CCAR1: variants seen among roughly 807,000 people sequenced by gnomAD.
The protein encoded by CCAR1 is cell division cycle and apoptosis regulator protein 1.
CCAR1 carries 78 observed loss-of-function variants against 163.8 expected under a neutral mutation model. That is an observed-to-expected ratio of 0.48 (90% confidence interval 0.40 to 0.57). The LOEUF is 0.57. CCAR1 is among the 20% of genes least tolerant of loss of function. The probability of loss-of-function intolerance (pLI) is 0.00; values close to 1 mark genes in which losing one functional copy is unlikely to be tolerated. For synonymous variants in CCAR1, 443 were observed against 460.7 expected, an observed-to-expected ratio of 0.96 and a Z score of 0.49; for missense variants, 1,019 against 1,365.2, an observed-to-expected ratio of 0.75 and a Z score of 4.00.
chr10:68,738,580 T>C (rs971926330), intron 4 of CCAR1, among the ~76,000 whole-genome samples: 6 of 152,178 alleles, frequency 3.9e-5, no homozygotes, highest in Non-Finnish European at 7.3e-5. Flanking sequence ...CTAAACCTTA[T>C]AGGCTTTCAG....
intron 23 of CCAR1, 148 bp downstream of exon 23, chr10:68,788,476 T>A (rs182231466): frequency 4.5e-4 from 203 of 455,970 alleles, no homozygotes; most frequent in East Asian, 2.2e-3. Context: ...AGGAACTTTT[T>A]AAAATTTTTT....
In CCAR1 at chr10:68,756,148, T is replaced by A; in HGVS notation, c.1626-125T>A. 1.5e-6 allele frequency: 1 copy of A among 653,026 alleles called. No homozygotes were observed. The highest frequency in any genetic ancestry group is 2.7e-6 in the Non-Finnish European group (1 of 376,596). The allele number at this position is 653,026 out of a possible 1,614,324, so 40.5% of individuals were successfully genotyped here. A position where few individuals can be genotyped will look rare whatever the true frequency, so the allele number is the denominator to read the frequency against. On this transcript the variant is annotated intron_variant, in intron 13 of 24. Transcript: ENST00000265872. The surrounding 1 kb of genome is among the most constrained non-coding windows in gnomAD (Gnocchi z 5.1). ...AGGAACTATGGCTTCTATAATTTTTTTTTCTTTAGACCAACCTCAAGTTCT... is the reference window on the plus strand; with the variant it reads ...AGGAACTATGGCTTCTATAATTTTTATTTCTTTAGACCAACCTCAAGTTCT...
chr10:68,787,439 A>T (rs1414027041), intron 21 of CCAR1, among the ~76,000 whole-genome samples: 1 of 152,200 alleles, frequency 6.6e-6, no homozygotes, highest in Non-Finnish European at 1.5e-5. Flanking sequence ...GTAATAAATC[A>T]TCCCTGTGCA....
chr10:68,764,364 G>A (rs866327948), intron 16 of CCAR1, among the ~76,000 whole-genome samples: 7 of 149,892 alleles, frequency 4.7e-5, no homozygotes, highest in Non-Finnish European at 1.0e-4. Context: ...AGACAACTTC[G>A]TGAGACCCCA....
intron 8 of CCAR1, among the ~76,000 whole-genome samples, 171 bp from the exon 9 acceptor site, chr10:68,748,965 A>G (rs764892630): frequency 2.0e-5 from 3 of 152,196 alleles, no homozygotes; most frequent in Non-Finnish European, 4.4e-5. Context: ...GGTGTGAGCC[A>G]CCGCAGCCGG....
intron 2 of CCAR1, among the ~76,000 whole-genome samples, chr10:68,731,049 T>C (rs959090870): frequency 1.3e-5 from 2 of 152,156 alleles, no homozygotes; most frequent in African/African-American, 2.4e-5. Context: ...ATTTAGTTAT[T>C]TGTGATATAA....
intron 8 of CCAR1, 73 bp downstream of exon 8, chr10:68,747,639 A>C: frequency 1.5e-6 from 2 of 1,344,520 alleles, no homozygotes; most frequent in South Asian, 2.8e-5. Context: ...TTTTAATTAC[A>C]AAAAAAGGCA....
At chr10:68,767,891 T>A (rs1050829746) in intron 17 of CCAR1, among the ~76,000 whole-genome samples, 1 of 152,216 alleles carries the variant, frequency 6.6e-6, no homozygotes, top group Non-Finnish European at 1.5e-5. Flanking sequence ...TTCAAAACAA[T>A]TGAAAACTTT....
chr10:68,731,595 T>C (rs1280967764), intron 2 of CCAR1, among the ~76,000 whole-genome samples: 2 of 141,198 alleles, frequency 1.4e-5, no homozygotes, highest in African/African-American at 5.3e-5. Context: ...GTTTCTGTTT[T>C]TTTTTTTTTT....
rs541303918 is a variant in CCAR1 at position 68,781,824 on chromosome 10, C to T, written c.2651-4312C>T. 2.2e-5 allele frequency among the ~76,000 whole-genome samples: 3 copies of T among 138,994 alleles called. No homozygotes were observed. In the East Asian group the frequency reaches 6.3e-4, roughly 29 times the overall value. 91.2% of individuals were successfully genotyped at this position (138,994 alleles called of 152,430 possible). The stretch of plus-strand genomic sequence containing the variant: ...CATGATTGTGCCACTGTACTCCAGC[C>T]TGGGCAACAGGGCAACACTCTGTCT... On this transcript the variant is annotated intron_variant, in intron 19 of 24. Transcript: ENST00000265872.
chr10:68,749,417 CAAAT>C (rs1004917327), intron 9 of CCAR1, 103 bp from the exon 10 acceptor site: 2 of 1,254,432 alleles, frequency 1.6e-6, no homozygotes, highest in Non-Finnish European at 2.2e-6. Flanking sequence ...AAAAGTTAAA[CAAAT>C]ATACTGTGGA....
intron 16 of CCAR1, among the ~76,000 whole-genome samples, chr10:68,763,856 A>G (rs186867603): frequency 6.6e-6 from 1 of 152,184 alleles, no homozygotes; most frequent in East Asian, 1.9e-4. Context: ...GGACTTCTTT[A>G]CTTACTAGCA....
At chr10:68,784,108 A>G (rs1053675381) in intron 19 of CCAR1, among the ~76,000 whole-genome samples, 3 of 152,066 alleles carry the variant, frequency 2.0e-5, no homozygotes, top group Admixed American at 6.6e-5. Flanking sequence ...TTGAGATGCA[A>G]TCTGCTTCTG....
intron 19 of CCAR1, among the ~76,000 whole-genome samples, chr10:68,777,949 G>A (rs1269702128): frequency 6.6e-6 from 1 of 151,994 alleles, no homozygotes; most frequent in African/African-American, 2.4e-5. Context: ...GGCCGGGTGC[G>A]GTGGCTCATG....
intron 19 of CCAR1, among the ~76,000 whole-genome samples, chr10:68,775,693 T>C (rs1159328852): frequency 1.7e-5 from 2 of 115,002 alleles, no homozygotes; most frequent in African/African-American, 3.5e-5. Flanking sequence ...TTTTCTTTTT[T>C]TTTTTTTTTT....
At position 68,747,145 on chromosome 10, in the gene CCAR1, CT is replaced by C. The variant is rs71474438; in HGVS notation, c.519-5del. On this transcript the variant is annotated splice_polypyrimidine_tract_variant and intron_variant, in intron 6 of 24. Coordinates refer to ENST00000265872, the MANE Select transcript of CCAR1 (RefSeq NM_018237.4). Reference sequence around the variant, plus strand: ...TGTATTTATATTTAACTTTTTTTTTCTTTTTTTTTTTACAGTGCTGTCAAAG... The same window carrying C: ...TGTATTTATATTTAACTTTTTTTTTCTTTTTTTTTTACAGTGCTGTCAAAG... 53,041 of 975,248 alleles carry C rather than the reference CT, an allele frequency of 0.054. No homozygotes were observed. Among genetic ancestry groups the C allele is most frequent in the South Asian group, 0.072 (3,843 of 53,304 alleles). 60.4% of individuals were successfully genotyped at this position (975,248 alleles called of 1,614,324 possible).
chr10:68,730,751 G>A (rs542494174), intron 2 of CCAR1, among the ~76,000 whole-genome samples: 4 of 152,036 alleles, frequency 2.6e-5, no homozygotes, highest in Non-Finnish European at 4.4e-5. Flanking sequence ...GAGTACAGTG[G>A]TGCAGTCACG....
chr10:68,767,720 T>C (rs1270085490), intron 17 of CCAR1, among the ~76,000 whole-genome samples: 1 of 152,162 alleles, frequency 6.6e-6, no homozygotes, highest in Non-Finnish European at 1.5e-5. Context: ...AATTTTTGCA[T>C]GTTGGCCAGT....
intron 2 of CCAR1, among the ~76,000 whole-genome samples, chr10:68,726,457 A>G (rs1369636380): frequency 6.6e-6 from 1 of 152,064 alleles, no homozygotes; most frequent in East Asian, 1.9e-4. Flanking sequence ...GGCTCTTGAC[A>G]TGCTTAAACC....
Sources: gnomAD v4.1 joint callset for allele counts (sites outside exome capture counted in the v4.1 genomes callset) on GRCh38, gnomAD v4.1.1 for gene constraint, Gnocchi (gnomAD v3.1) non-coding constraint, MANE v1.5 for transcripts, NCBI Gene and HGNC (gene_info 2026-07-23, HGNC 2026-07-21) for gene names.